Variants in GCN1 observed in about 807,000 individuals in gnomAD.
GCN1 encodes the protein GCN1 activator of EIF2AK4, also known as stalled ribosome sensor GCN1.
A neutral mutation model predicts 288.4 loss-of-function variants in GCN1; 90 were observed. That is an observed-to-expected ratio of 0.31 (90% CI 0.26 to 0.37). The LOEUF (loss-of-function observed/expected upper bound fraction) is 0.37. Ranked by LOEUF, GCN1 falls within the 10% of genes least tolerant of loss-of-function variation. The pLI is 1.00. For synonymous variants in GCN1, 1,386 were observed against 1,420.2 expected, an observed-to-expected ratio of 0.98 and a Z score of 0.54; for missense variants, 2,586 against 3,419.9, an observed-to-expected ratio of 0.76 and a Z score of 6.08.
At chr12:120,148,444 C>CTGT in intron 36 of GCN1, 98 bp from the exon 37 acceptor site, 2 of 986,160 alleles carry the variant, frequency 2.0e-6, no homozygotes, top group Non-Finnish European at 3.0e-6. Flanking sequence ...TACCCTGGCC[C>CTGT]CTGCAGACGG....
chr12:120,167,292 CG>C (rs1878162766), intron 16 of GCN1, among the ~76,000 whole-genome samples: 1 of 142,042 alleles, frequency 7.0e-6, no homozygotes, highest in East Asian at 2.1e-4. Flanking sequence ...GGAGAGGTTG[CG>C]GTGGGCTGAG....
chr12:120,164,175 A>G (rs1878025315), intron 18 of GCN1, among the ~76,000 whole-genome samples, 161 bp downstream of exon 18: 1 of 152,238 alleles, frequency 6.6e-6, no homozygotes, highest in African/African-American at 2.4e-5. Flanking sequence ...AAGGAATCCT[A>G]TGAAAGATGT....
chr12:120,177,795 T>G, intron 7 of GCN1, 43 bp from the exon 8 acceptor site: 4 of 1,402,070 alleles, frequency 2.9e-6, no homozygotes, highest in Non-Finnish European at 4.1e-6. Context: ...CATTCTCAAG[T>G]ATCTCATCAC....
At chr12:120,188,959 C>T (rs1878915245) in intron 2 of GCN1, among the ~76,000 whole-genome samples, 1 of 152,068 alleles carries the variant, frequency 6.6e-6, no homozygotes, top group Non-Finnish European at 1.5e-5. Flanking sequence ...AGCTTTCACA[C>T]CTGAATGGAT....
chr12:120,145,248 T>C lies in GCN1; in HGVS notation c.5016+14A>G, dbSNP rs747852148. On this transcript the variant is annotated intron_variant, in intron 39 of 57. Coordinates refer to ENST00000300648, the MANE Select transcript of GCN1 (RefSeq NM_006836.2). ...GAGGGGCCTGGCCCATCCCCCAGCC[T>C]ACCTCAGACTCACCTCAGGCACAGG... 3 of 1,586,864 alleles carry C rather than the reference T, an allele frequency of 1.9e-6. No homozygotes were observed. Among genetic ancestry groups the C allele is most frequent in the Non-Finnish European group, 2.6e-6 (3 of 1,166,174 alleles).
Position 120,175,805 on chromosome 12 carries a change from T to A in GCN1, c.983A>T (p.Gln328Leu). 6.2e-7 allele frequency: 1 copy of A among 1,613,438 alleles called. No homozygotes were observed. Among genetic ancestry groups the A allele is most frequent in the East Asian group, 2.2e-5 (1 of 44,868 alleles). The change falls in exon 11 of 58, where the codon CAG becomes CTG. Residue 328 changes from glutamine to leucine, a missense_variant. Gln to Leu is a moderately radical substitution (Grantham distance 113). Around this residue, in one of 8 missense-constraint regions of GCN1, gnomAD observed 913 missense variants for 1,107.0 expected, o/e 0.82. Coordinates refer to ENST00000300648, the MANE Select transcript of GCN1 (RefSeq NM_006836.2). ...TTCCATGGCCGAAGAGTCACTGCAC[T>A]GGCGTGCCAGGTTCCGCAGTGCCAG... ...AVLALRNLAR[Q>L]CSDSSAMESL...
intron 2 of GCN1, among the ~76,000 whole-genome samples, chr12:120,186,368 C>T (rs1400617968): frequency 6.6e-6 from 1 of 151,022 alleles, no homozygotes; most frequent in Non-Finnish European, 1.5e-5. Context: ...GAGCGAGACT[C>T]CATCTCAAAA....
intron 45 of GCN1, among the ~76,000 whole-genome samples, chr12:120,140,165 A>T (rs1033977352): frequency 3.3e-5 from 5 of 152,220 alleles, no homozygotes; most frequent in African/African-American, 1.2e-4. Flanking sequence ...GAATTCAGAC[A>T]AGGATGCCCA....
chr12:120,164,749 G>A (rs749471410), intron 16 of GCN1, 28 bp from the exon 17 acceptor site: 2 of 1,516,234 alleles, frequency 1.3e-6, no homozygotes. Context: ...GAATGGAAGT[G>A]TTTTTAAAAT....
chr12:120,154,915 A>G, intron 31 of GCN1, 55 bp downstream of exon 31: 1 of 1,500,006 alleles, frequency 6.7e-7, no homozygotes, highest in South Asian at 1.1e-5. Flanking sequence ...CCACCCAGCC[A>G]ACCTGCCACA....
intron 50 of GCN1, among the ~76,000 whole-genome samples, 166 bp from the exon 51 acceptor site, chr12:120,136,898 G>A (rs533294825): frequency 1.4e-4 from 21 of 152,144 alleles, no homozygotes; most frequent in African/African-American, 4.3e-4. Context: ...GCTATGGAAC[G>A]GTCTTGGCAG....
At chr12:120,163,328 T>C in intron 18 of GCN1, 69 bp from the exon 19 acceptor site, 2 of 1,273,784 alleles carry the variant, frequency 1.6e-6, no homozygotes, top group Non-Finnish European at 2.3e-6. Flanking sequence ...GAACCAAATA[T>C]GCTACGGACA....
chr12:120,140,522 G>A (rs1441109332), intron 45 of GCN1, among the ~76,000 whole-genome samples: 4 of 152,068 alleles, frequency 2.6e-5, no homozygotes. Context: ...CCAGAAGGAG[G>A]TGCACACATT....
At position 120,142,596 on chromosome 12, in the gene GCN1, T is replaced by G. The variant is rs746987106; in HGVS notation, c.5740A>C (p.Asn1914His). 1.9e-6 allele frequency: 3 copies of G among 1,614,000 alleles called. No homozygotes were observed. Residue 1914 changes from asparagine to histidine, a missense_variant, in exon 44 of 58, where the codon AAT (asparagine) becomes CAT (histidine). Physicochemically the swap from Asn to His is moderately conservative, Grantham distance 68. This residue lies in a region of GCN1 where 437 missense variants were observed against 570.5 expected (regional missense o/e 0.77). Coordinates refer to ENST00000300648, the MANE Select transcript of GCN1 (RefSeq NM_006836.2). This position sits in a 1 kb window ranked among gnomAD's most constrained non-coding sequence, Gnocchi z 4.9. Reference protein sequence around the residue: ...SLHVWKIVVSNTPRTLREILP... With the variant: ...SLHVWKIVVSHTPRTLREILP... ...ATCTCACGCAAGGTGCGGGGGGTAT[T>G]GGAGACAACAATCTTCCAGACATGC...
intron 5 of GCN1, among the ~76,000 whole-genome samples, chr12:120,180,638 G>A (rs1878625959): frequency 6.6e-6 from 1 of 151,858 alleles, no homozygotes; most frequent in Non-Finnish European, 1.5e-5. Context: ...GAGACTTTAT[G>A]TGCCATAAAT....
Position 120,134,281 on chromosome 12 carries a change from G to A in GCN1, c.7317+10C>T. 4 of 1,591,700 alleles carry A rather than the reference G, an allele frequency of 2.5e-6. No homozygotes were observed. The highest frequency in any genetic ancestry group is 2.6e-6 in the Non-Finnish European group (3 of 1,159,948). ...TCCAGTGCTGCCACTAGTCCTGCCT[G>A]CAGCCGTACCTCATCGTGTCCCAGC... On this transcript the variant is annotated intron_variant, in intron 53 of 57. Transcript: ENST00000300648. This position sits in a 1 kb window ranked among gnomAD's most constrained non-coding sequence, Gnocchi z 5.0.
intron 5 of GCN1, 62 bp downstream of exon 5, chr12:120,183,507 A>C (rs1594289101): frequency 9.6e-7 from 1 of 1,043,156 alleles, no homozygotes; most frequent in East Asian, 2.4e-5. Flanking sequence ...AAGGTGCTGA[A>C]ACATGCTCTA....
In GCN1 at chr12:120,156,555, T is replaced by C. The variant is rs1192204022; in HGVS notation, c.3218A>G (p.Asp1073Gly). The change falls in exon 28 of 58, where the codon GAT (aspartate) becomes GGT (glycine). Residue 1073 changes from aspartate to glycine, a missense_variant. Physicochemically the swap from Asp to Gly is moderately conservative, Grantham distance 94 (BLOSUM62 -1). Coordinates refer to ENST00000300648, the MANE Select transcript of GCN1 (RefSeq NM_006836.2). The surrounding 1 kb of genome is among the most constrained non-coding windows in gnomAD (Gnocchi z 5.8). ...CTGCTCTGCAAAGGCACAGCCATCA[T>C]CACCACTGCTGCTGGCACACAGGGT... ...LTTLCASSSG[D>G]DGCAFAEQEE... The C allele has an allele frequency of 1.9e-6, 3 of 1,613,554 alleles. No individual in the cohort carries two copies. The East Asian group carries it at 6.7e-5, about 36-fold the overall frequency.
intron 2 of GCN1, among the ~76,000 whole-genome samples, chr12:120,186,088 C>G (rs1331581871): frequency 6.6e-6 from 1 of 151,260 alleles, no homozygotes; most frequent in Admixed American, 6.6e-5. Flanking sequence ...AATCCCAGCA[C>G]TTTGGGAGGC....
Sources: gnomAD v4.1 joint callset for allele counts (sites outside exome capture counted in the v4.1 genomes callset) on GRCh38, gnomAD v4.1.1 for gene constraint, gnomAD v4.1.1 regional missense constraint, Gnocchi (gnomAD v3.1) non-coding constraint, MANE v1.5 for transcripts, NCBI Gene and HGNC (gene_info 2026-07-23, HGNC 2026-07-21) for gene names.